MACROD2: variants seen among roughly 807,000 people sequenced by gnomAD.
MACROD2 encodes the protein ADP-ribose glycohydrolase MACROD2.
In MACROD2, 36 loss-of-function variants were observed where a neutral mutation model predicts 70.4. That is an observed-to-expected ratio of 0.51 (90% CI 0.39 to 0.68). The LOEUF (loss-of-function observed/expected upper bound fraction) is 0.68, where lower values mean the gene tolerates loss of function less well. MACROD2 is among the 30% of genes least tolerant of loss of function. The pLI is 0.00. For missense variants in MACROD2, 496 were observed against 538.4 expected, an observed-to-expected ratio of 0.92 and a Z score of 0.78; for synonymous variants, 172 against 178.8, an observed-to-expected ratio of 0.96 and a Z score of 0.30.
chr20:15,076,168 C>T (rs1292684374), intron 5 of MACROD2, among the ~76,000 whole-genome samples: 2 of 152,024 alleles, frequency 1.3e-5, no homozygotes, highest in African/African-American at 4.8e-5. Flanking sequence ...ACTTGCTTTC[C>T]TTACCATTAT....
chr20:15,749,987 A>G (rs1276327509), intron 8 of MACROD2, among the ~76,000 whole-genome samples: 1 of 152,116 alleles, frequency 6.6e-6, no homozygotes, highest in Non-Finnish European at 1.5e-5. Flanking sequence ...GGCAACAGAA[A>G]CAAAAGTAGA....
intron 5 of MACROD2, among the ~76,000 whole-genome samples, chr20:15,142,431 C>T (rs1006950635): frequency 1.8e-4 from 28 of 152,250 alleles, no homozygotes; most frequent in African/African-American, 6.7e-4. Context: ...TATATACATT[C>T]AAAATTTTTG....
chr20:14,151,552 CTCA>C (rs1437440860), intron 3 of MACROD2, among the ~76,000 whole-genome samples: 1 of 152,130 alleles, frequency 6.6e-6, no homozygotes, highest in Non-Finnish European at 1.5e-5. Flanking sequence ...CCCCTCTGAT[CTCA>C]GCCGCTTACT....
At chr20:15,362,865 A>G (rs1263334585) in intron 6 of MACROD2, among the ~76,000 whole-genome samples, 1 of 151,894 alleles carries the variant, frequency 6.6e-6, no homozygotes, top group Non-Finnish European at 1.5e-5. Flanking sequence ...ATTTAAAAAT[A>G]TATTTAAAGC....
At position 14,216,720 on chromosome 20, in the gene MACROD2, A is replaced by G. The variant is rs145611867; in HGVS notation, c.271+130992A>G. On this transcript the variant is annotated intron_variant, in intron 3 of 17. Coordinates refer to ENST00000684519, the MANE Select transcript of MACROD2 (RefSeq NM_001351661.2). ...TAGGTTTCCTTGTAGAGGTCTTTCG[A>G]CTCCTTGGTTAGGTATATTCCTAAG... 7.8e-4 allele frequency among the ~76,000 whole-genome samples: 117 copies of G among 149,316 alleles called. 1 individual carries two copies. Among genetic ancestry groups the G allele is most frequent in the African/African-American group, 2.8e-3 (115 of 40,606 alleles).
chr20:14,632,919 C>T (rs1408619188), intron 4 of MACROD2, among the ~76,000 whole-genome samples: 3 of 152,316 alleles, frequency 2.0e-5, no homozygotes, highest in Non-Finnish European at 2.9e-5. Flanking sequence ...GTGTTAGTTT[C>T]CTGTGGCTGC....
intron 3 of MACROD2, among the ~76,000 whole-genome samples, chr20:14,145,401 GA>G (rs2054931936): frequency 6.6e-6 from 1 of 152,068 alleles, no homozygotes; most frequent in Non-Finnish European, 1.5e-5. Flanking sequence ...TTGGAGTTCA[GA>G]AAACATTGAT....
chr20:15,040,307 T>TGACC (rs2075345826), intron 5 of MACROD2, among the ~76,000 whole-genome samples: 1 of 140,156 alleles, frequency 7.1e-6, no homozygotes, highest in Non-Finnish European at 1.5e-5. Flanking sequence ...AGAGCGAGAC[T>TGACC]CCGTCTCAGG....
chr20:15,146,639 T>C (rs993010203), intron 5 of MACROD2, among the ~76,000 whole-genome samples: 5 of 152,196 alleles, frequency 3.3e-5, no homozygotes, highest in South Asian at 4.1e-4. Flanking sequence ...GAAGTCTTTT[T>C]GTTTTTTACA....
chr20:15,025,922 T>C (rs745542996), intron 5 of MACROD2, among the ~76,000 whole-genome samples: 1 of 152,226 alleles, frequency 6.6e-6, no homozygotes, highest in African/African-American at 2.4e-5. Flanking sequence ...AGGGAAAGCC[T>C]GGATCATGAA....
intron 3 of MACROD2, among the ~76,000 whole-genome samples, chr20:14,311,767 C>G (rs974666897): frequency 3.3e-4 from 50 of 152,298 alleles, no homozygotes; most frequent in African/African-American, 1.2e-3. Flanking sequence ...ATCCACCCCC[C>G]ATGGCCTCCC....
At position 14,642,706 on chromosome 20, in the gene MACROD2, A is replaced by G. The variant is rs6042834; in HGVS notation, c.302-42137A>G. 4.6e-3 allele frequency among the ~76,000 whole-genome samples: 699 copies of G among 152,284 alleles called. 2 individuals carry two copies. The highest frequency in any genetic ancestry group is 0.016 in the African/African-American group (655 of 41,568). ...CAGTGAGAACACACAATATTTATCAATTATGTTCTCCTTTTTTTATGGGCT... is the reference window on the plus strand; with the variant it reads ...CAGTGAGAACACACAATATTTATCAGTTATGTTCTCCTTTTTTTATGGGCT... On this transcript the variant is annotated intron_variant, in intron 4 of 17. Transcript: ENST00000684519.
chr20:14,467,601 A>C (rs2084472058), intron 3 of MACROD2, among the ~76,000 whole-genome samples: 1 of 151,938 alleles, frequency 6.6e-6, no homozygotes, highest in Non-Finnish European at 1.5e-5. Context: ...TGCAGAAATC[A>C]CCTGTCTTCT....
intron 3 of MACROD2, among the ~76,000 whole-genome samples, chr20:14,350,288 T>C (rs962738191): frequency 6.6e-6 from 1 of 152,064 alleles, no homozygotes; most frequent in Non-Finnish European, 1.5e-5. Context: ...ATTTTTAGTT[T>C]TTTGAGGAAC....
intron 3 of MACROD2, among the ~76,000 whole-genome samples, chr20:14,345,663 C>T (rs970817004): frequency 1.3e-5 from 2 of 152,070 alleles, no homozygotes; most frequent in Admixed American, 1.3e-4. Context: ...CTCCTGACGT[C>T]AGGTGATCTG....
At chr20:15,195,633 G>A (rs779333380) in intron 5 of MACROD2, among the ~76,000 whole-genome samples, 9 of 152,154 alleles carry the variant, frequency 5.9e-5, no homozygotes, top group African/African-American at 1.7e-4. Flanking sequence ...ACTGTTGGTC[G>A]GAGTATAAAT....
At chr20:14,468,134 T>C (rs2084479530) in intron 3 of MACROD2, among the ~76,000 whole-genome samples, 1 of 152,042 alleles carries the variant, frequency 6.6e-6, no homozygotes. Context: ...GTCTGCTTGG[T>C]CCGGAGCTGA....
chr20:14,477,575 A>AT (rs1277139820), intron 3 of MACROD2, among the ~76,000 whole-genome samples: 1 of 151,994 alleles, frequency 6.6e-6, no homozygotes, highest in East Asian at 1.9e-4. Flanking sequence ...CTTTCTAGGT[A>AT]TTTTTTTAAA....
intron 7 of MACROD2, among the ~76,000 whole-genome samples, chr20:15,489,429 G>A (rs1399420204): frequency 6.6e-6 from 1 of 152,156 alleles, no homozygotes; most frequent in African/African-American, 2.4e-5. Context: ...AAATTTACAC[G>A]CTCCAGTCAT....
Sources: gnomAD v4.1 joint callset for allele counts (sites outside exome capture counted in the v4.1 genomes callset) on GRCh38, gnomAD v4.1.1 for gene constraint, MANE v1.5 for transcripts, NCBI Gene and HGNC (gene_info 2026-07-23, HGNC 2026-07-21) for gene names.